PLA2G7: variants seen among roughly 807,000 people sequenced by gnomAD.
PLA2G7 encodes platelet-activating factor acetylhydrolase.
Under a neutral mutation model 49.6 loss-of-function variants are expected in PLA2G7, and 63 were observed. The ratio of observed to expected loss-of-function variants is 1.27; its 90% CI spans 1.04 to 1.57. The LOEUF is 1.57. PLA2G7 is among the 40% of genes most tolerant of loss of function. The pLI is 0.00. For synonymous variants in PLA2G7, 193 were observed against 169.9 expected (o/e 1.14, Z -1.06); for missense variants, 596 against 521.2 (o/e 1.14, Z -1.40).
rs1323808112 is a variant in PLA2G7, at chr6:46,704,470, TCTCTCTCTCACACACACACA to T, written c.*70_*89del. On this transcript the variant is annotated 3_prime_UTR_variant, in exon 12 of 12. Coordinates refer to ENST00000274793, the MANE Select transcript of PLA2G7 (RefSeq NM_005084.4). ...CTCTCTCTCTCTCTCTCTCTCTCTCTCTCTCTCTCACACACACACACACACACACACACACACACATAATT... is the reference window on the plus strand; with the variant it reads ...CTCTCTCTCTCTCTCTCTCTCTCTCTCACACACACACACACACACATAATT... 6.4e-5 allele frequency: 18 copies of T among 280,004 alleles called. No individual in the cohort carries two copies. The highest frequency in any genetic ancestry group is 2.4e-4 in the South Asian group (7 of 28,698). 17.3% of individuals were successfully genotyped at this position (280,004 alleles called of 1,614,324 possible).
chr6:46,721,237 G>A (rs990844947), intron 2 of PLA2G7, among the ~76,000 whole-genome samples: 6 of 151,672 alleles, frequency 4.0e-5, no homozygotes, highest in Middle Eastern at 3.4e-3. Flanking sequence ...TAATATAGAC[G>A]GGGTTTCACC....
rs759795581 is a variant in PLA2G7, at chr6:46,704,354, G to A, written c.*206C>T. 20 of 561,314 alleles carry A rather than the reference G, an allele frequency of 3.6e-5. No homozygotes were observed. Among genetic ancestry groups the A allele is most frequent in the Non-Finnish European group, 5.7e-5 (18 of 314,798 alleles). 34.8% of individuals were successfully genotyped at this position (561,314 alleles called of 1,614,324 possible). On this transcript the variant is annotated 3_prime_UTR_variant, in exon 12 of 12. Coordinates refer to ENST00000274793, the MANE Select transcript of PLA2G7 (RefSeq NM_005084.4). ...CTGTATTCTTTCTTTACATCTAAAG[G>A]GAAAAAATTCTTAGTCCAAGCTTCA...
intron 2 of PLA2G7, among the ~76,000 whole-genome samples, chr6:46,717,709 C>CTTTTTTT (rs760308042): frequency 4.2e-4 from 49 of 116,188 alleles, no homozygotes; most frequent in Admixed American, 5.0e-4. Context: ...TTTCTTTTTT[C>CTTTTTTT]TTTTTCTTTT....
At position 46,709,830 on chromosome 6, in the gene PLA2G7, T is replaced by C. The variant is rs1346167753; in HGVS notation, c.778-412A>G. Among the ~76,000 whole-genome samples, 7 of 152,066 alleles carry C rather than the reference T, an allele frequency of 4.6e-5. No homozygotes were observed. The East Asian group carries it at 1.4e-3, about 29-fold the overall frequency. On this transcript the variant is annotated intron_variant, in intron 8 of 11. Coordinates refer to ENST00000274793, the MANE Select transcript of PLA2G7 (RefSeq NM_005084.4). ...GTTTGCAGTCCATCAGGGAAGAAAG[T>C]TATACAGAGGCATGATGCAATACAG... is the stretch of plus-strand genomic sequence containing the variant.
chr6:46,733,725 T>A (rs1285730886), intron 1 of PLA2G7, among the ~76,000 whole-genome samples: 1 of 152,194 alleles, frequency 6.6e-6, no homozygotes, highest in East Asian at 1.9e-4. Flanking sequence ...CACCAGTGCC[T>A]CGTGACCAGA....
chr6:46,709,345 C>G lies in PLA2G7; in HGVS notation c.851G>C (p.Ser284Thr). The change falls in exon 9 of 12, where the codon AGT (serine) becomes ACT (threonine). Residue 284 changes from serine to threonine, a missense_variant. Transcript: ENST00000274793. The part of the protein sequence containing the change: ...FGGATVIQTL[S>T]EDQRFRCGIA... ...TTCTTACCTGAATCTCTGATCTTCACTAAGAGTCTGAATAACCGTTGCTCC... is the reference window on the plus strand; with the variant it reads ...TTCTTACCTGAATCTCTGATCTTCAGTAAGAGTCTGAATAACCGTTGCTCC... 6.3e-7 allele frequency: 1 copy of G among 1,597,102 alleles called. No homozygotes were observed. Among genetic ancestry groups the G allele is most frequent in the Non-Finnish European group, 8.6e-7 (1 of 1,165,058 alleles).
At chr6:46,730,615 C>G (rs1309771168) in intron 1 of PLA2G7, among the ~76,000 whole-genome samples, 1 of 152,200 alleles carries the variant, frequency 6.6e-6, no homozygotes, top group Non-Finnish European at 1.5e-5. Flanking sequence ...GCAACTACCA[C>G]TCTATTCCAG....
chr6:46,711,525 C>T lies in PLA2G7; in HGVS notation c.634G>A (p.Glu212Lys), dbSNP rs139384606. ...TCATTTCGTATATGTGTCTCCTCCT[C>T]TTGTTTCAGGGTTCTAAGGTAGAGC... ...SWLYLRTLKQ[E>K]EETHIRNEQV... is the part of the protein sequence containing the mutation. Residue 212 changes from glutamate to lysine, a missense_variant, in exon 7 of 12, where the codon GAG (glutamate) becomes AAG (lysine). Physicochemically the swap from Glu to Lys is moderately conservative, Grantham distance 56. Transcript: ENST00000274793. The T allele has an allele frequency of 2.4e-4, 389 of 1,613,818 alleles. No homozygotes were observed. Among genetic ancestry groups the T allele is most frequent in the Non-Finnish European group, 2.9e-4 (344 of 1,179,740 alleles).
intron 2 of PLA2G7, among the ~76,000 whole-genome samples, chr6:46,718,731 A>T (rs1765295440): frequency 6.6e-6 from 1 of 152,212 alleles, no homozygotes; most frequent in Non-Finnish European, 1.5e-5. Context: ...CCTCAATATT[A>T]CATAGATTCT....
chr6:46,717,454 T>A (rs1765248063), intron 2 of PLA2G7, among the ~76,000 whole-genome samples: 1 of 152,188 alleles, frequency 6.6e-6, no homozygotes, highest in African/African-American at 2.4e-5. Context: ...TTCAGATTTG[T>A]GCCTATAACT....
intron 1 of PLA2G7, among the ~76,000 whole-genome samples, chr6:46,728,402 C>A (rs1331588669): frequency 6.6e-6 from 1 of 152,162 alleles, no homozygotes; most frequent in Non-Finnish European, 1.5e-5. Flanking sequence ...ATAGAGGAAT[C>A]TCAAAATGTC....
intron 2 of PLA2G7, among the ~76,000 whole-genome samples, chr6:46,720,466 T>C (rs1248402899): frequency 6.6e-6 from 1 of 152,214 alleles, no homozygotes; most frequent in Non-Finnish European, 1.5e-5. Context: ...TCAGGAATCA[T>C]CAGGCTGATC....
chr6:46,709,581 C>A (rs556452419), intron 8 of PLA2G7, among the ~76,000 whole-genome samples, 163 bp from the exon 9 acceptor site: 38 of 152,240 alleles, frequency 2.5e-4, no homozygotes, highest in Non-Finnish European at 5.3e-4. Flanking sequence ...ATACCATACA[C>A]ACATATACAT....
chr6:46,734,439 A>T (rs1391099134), intron 1 of PLA2G7, among the ~76,000 whole-genome samples: 1,944 of 36,132 alleles, frequency 0.054, 253 homozygotes, highest in African/African-American at 0.22. Flanking sequence ...AGAGAGAGAG[A>T]GAGAGAGAGA....
chr6:46,723,665 T>C (rs1187249014), intron 1 of PLA2G7, among the ~76,000 whole-genome samples: 2 of 152,220 alleles, frequency 1.3e-5, no homozygotes, highest in African/African-American at 4.8e-5. Context: ...CTTCAACTTT[T>C]GTGGGGGATA....
chr6:46,706,500 AG>A (rs1764833243), intron 10 of PLA2G7, among the ~76,000 whole-genome samples: 1 of 152,206 alleles, frequency 6.6e-6, no homozygotes, highest in Non-Finnish European at 1.5e-5. Context: ...GGGAGCAGGA[AG>A]AGGGGTGGTC....
intron 8 of PLA2G7, 70 bp downstream of exon 8, chr6:46,710,475 G>T: frequency 1.0e-6 from 1 of 999,068 alleles, no homozygotes; most frequent in Non-Finnish European, 1.6e-6. Flanking sequence ...TTGCAATATA[G>T]CAGAAAATTA....
chr6:46,732,368 T>TAC (rs59891486), intron 1 of PLA2G7, among the ~76,000 whole-genome samples: 7,586 of 140,868 alleles, frequency 0.054, 213 homozygotes, highest in East Asian at 0.083. Flanking sequence ...AACACACACA[T>TAC]ACACACACAC....
intron 1 of PLA2G7, among the ~76,000 whole-genome samples, chr6:46,729,100 G>A (rs1331414679): frequency 2.6e-5 from 4 of 152,130 alleles, no homozygotes; most frequent in Non-Finnish European, 5.9e-5. Context: ...CTGTTGTGCA[G>A]GTGCAAGCCA....
Sources: allele counts gnomAD v4.1 joint callset (sites outside exome capture counted in the v4.1 genomes callset), GRCh38; gene constraint gnomAD v4.1.1; transcripts MANE v1.5; gene names NCBI Gene and HGNC (gene_info 2026-07-23, HGNC 2026-07-21).